HS6ST3: variants seen among roughly 807,000 people sequenced by gnomAD.
HS6ST3 encodes the protein heparan sulfate 6-O-sulfotransferase 3.
Under a neutral mutation model 36.7 loss-of-function variants are expected in HS6ST3, and 12 were observed. The ratio of observed to expected loss-of-function variants is 0.33; its 90% CI spans 0.21 to 0.53. HS6ST3 has a LOEUF of 0.53. Among genes scored for constraint, HS6ST3 ranks in the 20% least tolerant of loss-of-function variants. The probability of loss-of-function intolerance (pLI) is 0.95; values close to 1 mark genes in which losing one functional copy is unlikely to be tolerated. For synonymous variants in HS6ST3, 240 were observed against 257.5 expected (o/e 0.93, Z 0.65); for missense variants, 584 against 640.9 (o/e 0.91, Z 0.96).
intron 1 of HS6ST3, among the ~76,000 whole-genome samples, chr13:96,738,234 A>T (rs1422519017): frequency 1.3e-5 from 2 of 152,340 alleles, no homozygotes; most frequent in African/African-American, 4.8e-5. Context: ...GGCTGATGTA[A>T]GCTTTCTGCA....
intron 1 of HS6ST3, among the ~76,000 whole-genome samples, chr13:96,161,427 A>G (rs546533552): frequency 6.6e-6 from 1 of 152,294 alleles, no homozygotes; most frequent in South Asian, 2.1e-4. Flanking sequence ...GAGTAGTTGG[A>G]TGGCTAGAGG....
chr13:96,696,896 C>T (rs112250694), intron 1 of HS6ST3, among the ~76,000 whole-genome samples: 5 of 152,182 alleles, frequency 3.3e-5, no homozygotes, highest in Admixed American at 6.5e-5. Context: ...GTAGTCCACA[C>T]GTACAGACAT....
chr13:96,100,293 G>A (rs2053811886), intron 1 of HS6ST3, among the ~76,000 whole-genome samples: 2 of 152,102 alleles, frequency 1.3e-5, no homozygotes, highest in Admixed American at 1.3e-4. Flanking sequence ...ATCTACTTAT[G>A]CATTCATTTT....
chr13:96,812,966 C>T (rs1428218695), intron 1 of HS6ST3, among the ~76,000 whole-genome samples: 1 of 152,138 alleles, frequency 6.6e-6, no homozygotes. Flanking sequence ...CGTCTGAGGA[C>T]AGAGACTTGG....
chr13:96,663,277 A>G (rs2056652711), intron 1 of HS6ST3, among the ~76,000 whole-genome samples: 2 of 152,108 alleles, frequency 1.3e-5, no homozygotes, highest in Non-Finnish European at 2.9e-5. Context: ...ACTGTTATTT[A>G]TCTCCAGGCC....
At chr13:96,219,776 G>A (rs969322851) in intron 1 of HS6ST3, among the ~76,000 whole-genome samples, 2 of 151,888 alleles carry the variant, frequency 1.3e-5, no homozygotes, top group South Asian at 2.1e-4. Context: ...CTCCGCTTCC[G>A]GGGTTCAAGC....
At chr13:96,518,067 T>C (rs892288110) in intron 1 of HS6ST3, among the ~76,000 whole-genome samples, 3 of 152,136 alleles carry the variant, frequency 2.0e-5, no homozygotes, top group Non-Finnish European at 1.5e-5. Context: ...AGGAACATGA[T>C]GGAGCTGGGG....
At chr13:96,697,403 A>G (rs1210232804) in intron 1 of HS6ST3, among the ~76,000 whole-genome samples, 1 of 152,110 alleles carries the variant, frequency 6.6e-6, no homozygotes, top group Non-Finnish European at 1.5e-5. Context: ...TTTCACCAAA[A>G]GGAAAGAGAA....
intron 1 of HS6ST3, among the ~76,000 whole-genome samples, chr13:96,262,531 A>C (rs909647037): frequency 7.3e-6 from 1 of 136,462 alleles, no homozygotes; most frequent in Non-Finnish European, 1.6e-5. Context: ...ACTTGATGAA[A>C]TGAAAAATCA....
intron 1 of HS6ST3, among the ~76,000 whole-genome samples, chr13:96,314,501 T>C (rs953556792): frequency 2.0e-5 from 3 of 152,208 alleles, no homozygotes; most frequent in Admixed American, 2.0e-4. Context: ...TTGAAGTCTT[T>C]GGATGTAACT....
chr13:96,245,392 A>G (rs1190020846), intron 1 of HS6ST3, among the ~76,000 whole-genome samples: 2 of 152,222 alleles, frequency 1.3e-5, no homozygotes, highest in African/African-American at 2.4e-5. Context: ...TAACTTAATT[A>G]TTTTTTCCAT....
intron 1 of HS6ST3, among the ~76,000 whole-genome samples, chr13:96,284,231 T>C (rs1359605477): frequency 6.6e-6 from 1 of 152,088 alleles, no homozygotes; most frequent in South Asian, 2.1e-4. Flanking sequence ...AGGATAGATG[T>C]ATATATGAAG....
chr13:96,217,523 G>A (rs1194402605), intron 1 of HS6ST3, among the ~76,000 whole-genome samples: 1 of 152,040 alleles, frequency 6.6e-6, no homozygotes, highest in Non-Finnish European at 1.5e-5. Context: ...CTTAATCCTC[G>A]CAGCTTCCTA....
chr13:96,642,248 A>G (rs1365060790), intron 1 of HS6ST3, among the ~76,000 whole-genome samples: 1 of 151,816 alleles, frequency 6.6e-6, no homozygotes, highest in Non-Finnish European at 1.5e-5. Context: ...ATCATCTGTT[A>G]ATCTTATTAA....
At chr13:96,245,542 C>T (rs946288537) in intron 1 of HS6ST3, among the ~76,000 whole-genome samples, 1 of 152,066 alleles carries the variant, frequency 6.6e-6, no homozygotes, top group Non-Finnish European at 1.5e-5. Flanking sequence ...CACTCTGGTC[C>T]TCTTTCTAGA....
intron 1 of HS6ST3, among the ~76,000 whole-genome samples, chr13:96,341,617 A>G (rs2055130619): frequency 6.6e-6 from 1 of 152,172 alleles, no homozygotes; most frequent in South Asian, 2.1e-4. Flanking sequence ...GACATGTGAC[A>G]TAACTACCTG....
intron 1 of HS6ST3, among the ~76,000 whole-genome samples, chr13:96,435,590 C>T (rs776540968): frequency 3.9e-5 from 6 of 152,106 alleles, no homozygotes; most frequent in South Asian, 4.1e-4. Flanking sequence ...GTAAGTCTCC[C>T]GAGGAAGGGG....
intron 1 of HS6ST3, among the ~76,000 whole-genome samples, chr13:96,626,300 A>G (rs564327211): frequency 1.3e-4 from 20 of 152,306 alleles, no homozygotes; most frequent in Non-Finnish European, 2.4e-4. Flanking sequence ...TGATTTTTGT[A>G]TATGACAAGG....
intron 1 of HS6ST3, among the ~76,000 whole-genome samples, chr13:96,094,030 C>T (rs759376203): frequency 1.4e-4 from 22 of 152,142 alleles, no homozygotes; most frequent in Non-Finnish European, 2.5e-4. Flanking sequence ...AAAGCGCCTC[C>T]TCCCAATTTC....
Sources: gnomAD v4.1 joint callset for allele counts (sites outside exome capture counted in the v4.1 genomes callset) on GRCh38, gnomAD v4.1.1 for gene constraint, MANE v1.5 for transcripts, NCBI Gene and HGNC (gene_info 2026-07-23, HGNC 2026-07-21) for gene names.